Variants in GRM8 observed in about 807,000 individuals in gnomAD.
GRM8 encodes the protein metabotropic glutamate receptor 8.
Under a neutral mutation model 87.2 loss-of-function variants are expected in GRM8, and 47 were observed. The ratio of observed to expected loss-of-function variants is 0.54; its 90% confidence interval spans 0.43 to 0.69. The LOEUF (loss-of-function observed/expected upper bound fraction) is 0.69. Ranked by LOEUF, GRM8 falls within the 30% of genes least tolerant of loss-of-function variation. GRM8 has a pLI of 0.00. For synonymous variants in GRM8, 396 were observed against 404.5 expected (o/e 0.98, Z 0.25); for missense variants, 1,019 against 1,139.2 (o/e 0.89, Z 1.52).
intron 6 of GRM8, among the ~76,000 whole-genome samples, chr7:126,845,447 T>C (rs1158912321): frequency 6.6e-6 from 1 of 152,124 alleles, no homozygotes; most frequent in Admixed American, 6.5e-5. Flanking sequence ...CTTTTTTTTA[T>C]CCCAAAGGAG....
intron 8 of GRM8, among the ~76,000 whole-genome samples, chr7:126,544,484 AAATT>A (rs1181069695): frequency 6.6e-6 from 1 of 152,066 alleles, no homozygotes; most frequent in African/African-American, 2.4e-5. Context: ...AAGACCTAAC[AAATT>A]AATATTTTGA....
chr7:126,729,413 C>T (rs890718144), intron 7 of GRM8, among the ~76,000 whole-genome samples: 3 of 152,158 alleles, frequency 2.0e-5, no homozygotes, highest in African/African-American at 7.2e-5. Context: ...GCTTCCTTAC[C>T]CCTTGGGTGG....
At chr7:126,716,954 T>C (rs753655198) in intron 7 of GRM8, among the ~76,000 whole-genome samples, 1 of 151,798 alleles carries the variant, frequency 6.6e-6, no homozygotes, top group African/African-American at 2.4e-5. Context: ...AAGATAAGAG[T>C]TCCTTAAAAT....
intron 2 of GRM8, among the ~76,000 whole-genome samples, chr7:127,180,200 T>A (rs539533143): frequency 2.6e-5 from 4 of 151,784 alleles, no homozygotes; most frequent in Non-Finnish European, 5.9e-5. Flanking sequence ...ATACAAAAGA[T>A]CATTCAAGGC....
At chr7:126,775,126 T>G (rs1443436700) in intron 6 of GRM8, among the ~76,000 whole-genome samples, 1 of 152,188 alleles carries the variant, frequency 6.6e-6, no homozygotes, top group Non-Finnish European at 1.5e-5. Flanking sequence ...AAGTATTTTT[T>G]AAAGTTTCTC....
Position 127,252,560 on chromosome 7 carries a change from A to G in GRM8, c.-312+237T>C, listed in dbSNP as rs1452725180. Among the ~76,000 whole-genome samples, 3 of 152,146 alleles carry G rather than the reference A, an allele frequency of 2.0e-5. No individual in the cohort carries two copies. The East Asian group carries it at 5.8e-4, about 30-fold the overall frequency. ...TCACAGACTACGGACATGCAGGGCC[A>G]TCTACTTGTGCTCAGGAAAAACAAA... On this transcript the variant is annotated intron_variant, in intron 1 of 10. Transcript: ENST00000339582. This position sits in a 1 kb window ranked among gnomAD's most constrained non-coding sequence, Gnocchi z 4.9.
At chr7:127,015,867 G>A (rs1157501076) in intron 3 of GRM8, among the ~76,000 whole-genome samples, 2 of 152,060 alleles carry the variant, frequency 1.3e-5, no homozygotes, top group Non-Finnish European at 2.9e-5. Flanking sequence ...ATTTATTGCT[G>A]AATAGTGACA....
At chr7:126,905,206 C>T (rs1802552590) in intron 3 of GRM8, among the ~76,000 whole-genome samples, 1 of 152,190 alleles carries the variant, frequency 6.6e-6, no homozygotes, top group Non-Finnish European at 1.5e-5. Flanking sequence ...GACAAGTGGT[C>T]TTCAAGGCTA....
chr7:127,096,656 C>A (rs192243008), intron 3 of GRM8, among the ~76,000 whole-genome samples: 13 of 152,082 alleles, frequency 8.5e-5, no homozygotes, highest in South Asian at 4.2e-4. Flanking sequence ...CAATTGTTAT[C>A]CCCACTCTAC....
intron 8 of GRM8, among the ~76,000 whole-genome samples, chr7:126,564,858 C>T (rs931842726): frequency 6.6e-6 from 1 of 152,158 alleles, no homozygotes; most frequent in Non-Finnish European, 1.5e-5. Context: ...TCCAATAGCA[C>T]ATTAAAAGGA....
chr7:126,498,624 T>C (rs935649961), intron 9 of GRM8, among the ~76,000 whole-genome samples: 1 of 151,996 alleles, frequency 6.6e-6, no homozygotes, highest in African/African-American at 2.4e-5. Context: ...GCTGTCTCTA[T>C]TGCTTTTGTC....
chr7:127,008,152 G>A (rs1387406786), intron 3 of GRM8, among the ~76,000 whole-genome samples: 1 of 151,992 alleles, frequency 6.6e-6, no homozygotes, highest in Admixed American at 6.6e-5. Context: ...TCTGGCAGAG[G>A]CTTTAAATAG....
chr7:127,173,686 G>A (rs189279986), intron 2 of GRM8, among the ~76,000 whole-genome samples: 22 of 152,242 alleles, frequency 1.4e-4, no homozygotes, highest in East Asian at 5.8e-4. Flanking sequence ...TTCCTGGAGC[G>A]ATATGGGGTG....
At chr7:127,217,246 C>T (rs1317804892) in intron 2 of GRM8, among the ~76,000 whole-genome samples, 1 of 151,980 alleles carries the variant, frequency 6.6e-6, no homozygotes, top group African/African-American at 2.4e-5. Flanking sequence ...GCAAAAAATG[C>T]CGTTAGGTTC....
At chr7:127,109,874 C>T (rs1435794691) in intron 2 of GRM8, among the ~76,000 whole-genome samples, 1 of 152,172 alleles carries the variant, frequency 6.6e-6, no homozygotes, top group Non-Finnish European at 1.5e-5. Flanking sequence ...CCATTCGACC[C>T]TCCTGATCCT....
At chr7:126,592,805 A>G (rs1309206192) in intron 8 of GRM8, among the ~76,000 whole-genome samples, 3 of 151,922 alleles carry the variant, frequency 2.0e-5, no homozygotes, top group Non-Finnish European at 4.4e-5. Flanking sequence ...GGTCATAGTC[A>G]AAGCAATAGG....
chr7:126,910,984 T>C (rs1328698975), intron 3 of GRM8, among the ~76,000 whole-genome samples: 1 of 152,198 alleles, frequency 6.6e-6, no homozygotes, highest in East Asian at 1.9e-4. Context: ...CTCTCAGGTA[T>C]ACTGTGAGAA....
At chr7:127,214,519 C>T (rs1249695343) in intron 2 of GRM8, among the ~76,000 whole-genome samples, 1 of 152,198 alleles carries the variant, frequency 6.6e-6, no homozygotes, top group African/African-American at 2.4e-5. Context: ...TTAATTGACT[C>T]ACAGTTCCAA....
intron 6 of GRM8, among the ~76,000 whole-genome samples, chr7:126,792,842 T>C (rs962728264): frequency 2.0e-5 from 3 of 152,240 alleles, no homozygotes; most frequent in African/African-American, 7.2e-5. Flanking sequence ...GTATGGTGAC[T>C]GGCCACAGCA....
Sources: allele counts gnomAD v4.1 joint callset (sites outside exome capture counted in the v4.1 genomes callset), GRCh38; gene constraint gnomAD v4.1.1; non-coding constraint Gnocchi (gnomAD v3.1); transcripts MANE v1.5; gene names NCBI Gene and HGNC (gene_info 2026-07-23, HGNC 2026-07-21).